Variants in ROBO1 observed in about 807,000 individuals in gnomAD.
The protein encoded by ROBO1 is roundabout homolog 1.
Under a neutral mutation model 195.9 loss-of-function variants are expected in ROBO1, and 149 were observed. The ratio of observed to expected loss-of-function variants is 0.76; its 90% CI spans 0.67 to 0.87. The LOEUF is 0.87. Ranked by LOEUF, ROBO1 falls within the 40% of genes least tolerant of loss-of-function variation. The probability of loss-of-function intolerance (pLI) is 0.00; values close to 1 mark genes in which losing one functional copy is unlikely to be tolerated. For synonymous variants in ROBO1, 816 were observed against 733.2 expected, an observed-to-expected ratio of 1.11 and a Z score of -1.82; for missense variants, 1,933 against 2,068.3, an observed-to-expected ratio of 0.93 and a Z score of 1.27.
chr3:79,019,203 G>C, intron 3 of ROBO1: 1 of 986,528 alleles, frequency 1.0e-6, no homozygotes, highest in Non-Finnish European at 1.2e-6. Context: ...CATCGCCCTC[G>C]GCCCCTCGCC....
chr3:79,435,869 T>C (rs540342974), intron 2 of ROBO1, among the ~76,000 whole-genome samples: 3 of 152,298 alleles, frequency 2.0e-5, no homozygotes, highest in African/African-American at 7.2e-5. Flanking sequence ...ATAAACTTTT[T>C]CTACTTTTCT....
rs1315008111 is a variant in ROBO1 at position 78,918,465 on chromosome 3, G to C, written c.499+20136C>G. Among the ~76,000 whole-genome samples the C allele has an allele frequency of 2.0e-5, 3 of 152,208 alleles. No homozygotes were observed. In the East Asian group the frequency reaches 5.8e-4, roughly 29 times the overall value. ...GGTATGGTAACTTTTGTTCAATTCA[G>C]AGAACTAAAATTAGTTATATGAATC... On this transcript the variant is annotated intron_variant, in intron 4 of 30. Coordinates refer to ENST00000464233, the MANE Select transcript of ROBO1 (RefSeq NM_002941.4).
At chr3:79,458,027 T>C (rs531680440) in intron 2 of ROBO1, among the ~76,000 whole-genome samples, 60 of 151,850 alleles carry the variant, frequency 4.0e-4, no homozygotes, top group Non-Finnish European at 6.9e-4. Context: ...CAATTCCACA[T>C]GAAGGAAAGA....
intron 3 of ROBO1, among the ~76,000 whole-genome samples, chr3:79,120,228 G>C (rs778633839): frequency 6.6e-6 from 1 of 152,186 alleles, no homozygotes; most frequent in East Asian, 1.9e-4. Flanking sequence ...AGAAAAACAA[G>C]AGGCTAATGG....
intron 16 of ROBO1, chr3:78,660,231 TA>T: frequency 6.4e-6 from 1 of 156,772 alleles, no homozygotes; most frequent in Non-Finnish European, 1.4e-5. Context: ...GCATATGTTT[TA>T]AAGATGTATC....
chr3:79,090,567 G>C (rs1162776209), intron 3 of ROBO1, among the ~76,000 whole-genome samples: 2 of 150,608 alleles, frequency 1.3e-5, no homozygotes, highest in Non-Finnish European at 2.9e-5. Context: ...TGCAGTATGT[G>C]TTTGCAGTTA....
At chr3:79,555,109 T>C (rs1459129882) in intron 2 of ROBO1, among the ~76,000 whole-genome samples, 1 of 152,054 alleles carries the variant, frequency 6.6e-6, no homozygotes, top group African/African-American at 2.4e-5. Context: ...GTCATATGGT[T>C]TCATGAGGAG....
At chr3:79,550,963 G>T (rs983635407) in intron 2 of ROBO1, among the ~76,000 whole-genome samples, 15 of 152,138 alleles carry the variant, frequency 9.9e-5, no homozygotes, top group African/African-American at 3.6e-4. Flanking sequence ...ACCATCATGG[G>T]ACTGGGTTAG....
chr3:79,207,775 C>T (rs1429683904), intron 2 of ROBO1, among the ~76,000 whole-genome samples: 1 of 148,150 alleles, frequency 6.7e-6, no homozygotes, highest in African/African-American at 2.5e-5. Context: ...GAATTGGTGA[C>T]CTTTAAAACT....
chr3:79,432,713 C>A (rs1021509618), intron 2 of ROBO1, among the ~76,000 whole-genome samples: 2 of 152,036 alleles, frequency 1.3e-5, no homozygotes, highest in African/African-American at 4.8e-5. Context: ...TTCACCCTAC[C>A]CCACTCAGGG....
intron 2 of ROBO1, among the ~76,000 whole-genome samples, chr3:79,251,803 A>G (rs1576878710): frequency 6.6e-6 from 1 of 152,156 alleles, no homozygotes; most frequent in East Asian, 1.9e-4. Flanking sequence ...AACAAGAATT[A>G]GCCAGGCATG....
At chr3:79,701,198 C>A (rs1410589433) in intron 1 of ROBO1, among the ~76,000 whole-genome samples, 1 of 151,658 alleles carries the variant, frequency 6.6e-6, no homozygotes, top group South Asian at 2.1e-4. Flanking sequence ...TGTCTTTATA[C>A]TGGTACCATG....
Position 79,577,717 on chromosome 3 carries a change from AACACACACACACACACAC to A in ROBO1, c.88+12089_88+12106del, listed in dbSNP as rs58998352. 1.4e-5 allele frequency among the ~76,000 whole-genome samples: 2 copies of A among 140,636 alleles called. 1 individual carries two copies. The highest frequency in any genetic ancestry group is 4.6e-4 in the South Asian group (2 of 4,336). The allele number at this position is 140,636 out of a possible 152,430, so 92.3% of individuals were successfully genotyped here. On this transcript the variant is annotated intron_variant, in intron 2 of 30. Coordinates refer to ENST00000464233, the MANE Select transcript of ROBO1 (RefSeq NM_002941.4). ...ATGAAGAAATCCTGTCTTTACTAAA[AACACACACACACACACAC>A]ACACACACACACACACACACACACA...
intron 4 of ROBO1, among the ~76,000 whole-genome samples, chr3:78,821,045 A>T (rs2030859551): frequency 6.6e-6 from 1 of 152,226 alleles, no homozygotes; most frequent in African/African-American, 2.4e-5. Flanking sequence ...TTTGTGTACA[A>T]ATTATATAAA....
chr3:78,841,017 A>G (rs1456569457), intron 4 of ROBO1, among the ~76,000 whole-genome samples: 2 of 151,608 alleles, frequency 1.3e-5, no homozygotes, highest in Admixed American at 6.6e-5. Context: ...AGCCAAGATC[A>G]CGCCACTGCA....
intron 2 of ROBO1, among the ~76,000 whole-genome samples, chr3:79,392,965 A>G (rs1336696889): frequency 6.6e-6 from 1 of 152,154 alleles, no homozygotes; most frequent in Admixed American, 6.5e-5. Flanking sequence ...AATCTGGAAA[A>G]GTCTCTTCCT....
chr3:79,477,437 T>C (rs1938602105), intron 2 of ROBO1, among the ~76,000 whole-genome samples: 1 of 152,158 alleles, frequency 6.6e-6, no homozygotes, highest in Non-Finnish European at 1.5e-5. Flanking sequence ...TTTATGAGGG[T>C]AAACAGTAAG....
intron 2 of ROBO1, among the ~76,000 whole-genome samples, chr3:79,140,097 C>A (rs2080493917): frequency 6.6e-6 from 1 of 152,042 alleles, no homozygotes; most frequent in South Asian, 2.1e-4. Context: ...GTACGATGAT[C>A]ACATCTGAGA....
Position 79,153,694 on chromosome 3 carries a change from A to G in ROBO1, c.89-28155T>C, listed in dbSNP as rs1303152823. 2.7e-5 allele frequency among the ~76,000 whole-genome samples: 4 copies of G among 148,362 alleles called. No homozygotes were observed. The East Asian group carries it at 7.8e-4, about 29-fold the overall frequency. On this transcript the variant is annotated intron_variant, in intron 2 of 30. Transcript: ENST00000464233. ...CTTAATAGTACTGTGATTTATTTCT[A>G]TAGCTCTTTATATATTTATTTATTT...
Sources: gnomAD v4.1 joint callset for allele counts (sites outside exome capture counted in the v4.1 genomes callset) on GRCh38, gnomAD v4.1.1 for gene constraint, MANE v1.5 for transcripts, NCBI Gene and HGNC (gene_info 2026-07-23, HGNC 2026-07-21) for gene names.